DHRS7B: variants seen among roughly 807,000 people sequenced by gnomAD.
DHRS7B encodes dehydrogenase/reductase 7B, also known as peroxisomal reductase activating PPAR-gamma.
DHRS7B carries 24 observed loss-of-function variants against 26.4 expected under a neutral mutation model. The observed-to-expected ratio is 0.91, with a 90% CI of 0.66 to 1.28. The LOEUF (loss-of-function observed/expected upper bound fraction) is 1.28. Among genes scored for constraint, DHRS7B ranks in the 50% most tolerant of loss-of-function variants. DHRS7B has a pLI of 0.00. For synonymous variants in DHRS7B, 142 were observed against 166.4 expected, an observed-to-expected ratio of 0.85 and a Z score of 1.13; for missense variants, 368 against 419.4, an observed-to-expected ratio of 0.88 and a Z score of 1.07.
At chr17:21,188,895 A>C in intron 6 of DHRS7B, 32 bp downstream of exon 6, 1 of 1,613,864 alleles carries the variant, frequency 6.2e-7, no homozygotes, top group Non-Finnish European at 8.5e-7. Flanking sequence ...CTCCTATGAA[A>C]ATCTGTCGGT....
At chr17:21,142,552 G>T (rs1973540971) in intron 1 of DHRS7B, among the ~76,000 whole-genome samples, 1 of 152,176 alleles carries the variant, frequency 6.6e-6, no homozygotes, top group Admixed American at 6.5e-5. Context: ...TGCCCAAGGT[G>T]GTTGGGGAAC....
At chr17:21,140,490 A>ACG (rs1220216402) in intron 1 of DHRS7B, among the ~76,000 whole-genome samples, 2 of 135,980 alleles carry the variant, frequency 1.5e-5, no homozygotes, top group African/African-American at 5.6e-5. Flanking sequence ...ACACACACAC[A>ACG]CACACACACA....
intron 1 of DHRS7B, among the ~76,000 whole-genome samples, chr17:21,139,331 AC>A (rs1340361566): frequency 5.3e-5 from 8 of 152,014 alleles, no homozygotes; most frequent in African/African-American, 9.7e-5. Context: ...ATGTTTTGTA[AC>A]CCCCGTGCCA....
At chr17:21,176,419 G>C (rs189133812) in intron 2 of DHRS7B, among the ~76,000 whole-genome samples, 1 of 152,098 alleles carries the variant, frequency 6.6e-6, no homozygotes, top group East Asian at 2.0e-4. Flanking sequence ...TGGGCAACAT[G>C]GCAAAATCTC....
chr17:21,137,436 G>C (rs1259934835), intron 1 of DHRS7B, among the ~76,000 whole-genome samples: 1 of 150,948 alleles, frequency 6.6e-6, no homozygotes, highest in Non-Finnish European at 1.5e-5. Flanking sequence ...AGCTGGGACA[G>C]GCACCTGCCA....
chr17:21,190,617 C>T (rs529794020), intron 6 of DHRS7B, among the ~76,000 whole-genome samples: 135 of 152,326 alleles, frequency 8.9e-4, no homozygotes, highest in African/African-American at 2.7e-3. Flanking sequence ...GCCCCCACCC[C>T]GGGCTGGCCC....
At chr17:21,155,988 T>C (rs114080617) in intron 1 of DHRS7B, among the ~76,000 whole-genome samples, 2,976 of 152,262 alleles carry the variant, frequency 0.02, 114 homozygotes, top group African/African-American at 0.068. Context: ...TTTATAGCAT[T>C]GAATGTATGT....
At chr17:21,172,439 G>A (rs963355098) in intron 2 of DHRS7B, 2 of 535,540 alleles carry the variant, frequency 3.7e-6, no homozygotes, top group Non-Finnish European at 6.8e-6. Context: ...TGGCCCCGGG[G>A]GTGGGGTGGG....
chr17:21,168,716 T>C, intron 1 of DHRS7B: 1 of 985,432 alleles, frequency 1.0e-6, no homozygotes, highest in Non-Finnish European at 1.2e-6. Flanking sequence ...GATAGCACTT[T>C]ACCAGACTGA....
chr17:21,183,690 G>A lies in DHRS7B; in HGVS notation c.406G>A (p.Val136Ile). 6.2e-7 allele frequency: 1 copy of A among 1,614,190 alleles called. No individual in the cohort carries two copies. The highest frequency in any genetic ancestry group is 1.3e-5 in the African/African-American group (1 of 75,040). ...TGAGATCCTGCAGTGCTTTGGCTAT[G>A]TCGACATACTTGTCAACAATGCTGG... ...AAEILQCFGY[V>I]DILVNNAGIS... Residue 136 changes from valine (V) to isoleucine (I), a missense_variant, in exon 4 of 7, where the codon GTC (valine) becomes ATC (isoleucine). Transcript: ENST00000395511.
Position 21,183,774 on chromosome 17 carries a change from G to T in DHRS7B, c.490G>T (p.Glu164Ter). 17 of 1,614,226 alleles carry T rather than the reference G, an allele frequency of 1.1e-5. No individual in the cohort carries two copies. The highest frequency in any genetic ancestry group is 1.4e-5 in the Non-Finnish European group (17 of 1,180,046). Reference sequence around the variant, plus strand: ...AGTGGATGTGGACAAGAGGGTCATGGAGACAAACTACTTTGGCCCAGTTGC... The same window carrying T: ...AGTGGATGTGGACAAGAGGGTCATGTAGACAAACTACTTTGGCCCAGTTGC... Reference protein sequence around the residue: ...TTVDVDKRVMETNYFGPVALT... With the variant: ...TTVDVDKRVM Residue 164 changes from glutamate (E) to a stop codon, truncating the protein, a stop_gained, in exon 4 of 7, where the codon GAG (glutamate) becomes TAG (stop). Transcript: ENST00000395511. LOFTEE classifies it high-confidence loss of function.
chr17:21,158,264 ACAT>A (rs1377673089), intron 1 of DHRS7B, among the ~76,000 whole-genome samples: 1 of 152,234 alleles, frequency 6.6e-6, no homozygotes, highest in Non-Finnish European at 1.5e-5. Context: ...CTGTTTTTTA[ACAT>A]CATACTGGAA....
intron 1 of DHRS7B, among the ~76,000 whole-genome samples, chr17:21,132,550 C>CA (rs1053748217): frequency 0.018 from 1,747 of 97,992 alleles, 17 homozygotes; most frequent in Middle Eastern, 0.038. Context: ...AAAAAAAAAA[C>CA]AAAAAAAAAA....
intron 3 of DHRS7B, among the ~76,000 whole-genome samples, chr17:21,179,680 T>A (rs1047632290): frequency 2.0e-5 from 3 of 152,158 alleles, no homozygotes; most frequent in African/African-American, 4.8e-5. Flanking sequence ...AGTTTAGGAG[T>A]TCTTTATGTA....
intron 1 of DHRS7B, among the ~76,000 whole-genome samples, chr17:21,140,449 G>GAAAAA (rs1465091087): frequency 6.9e-6 from 1 of 144,120 alleles, no homozygotes; most frequent in African/African-American, 2.6e-5. Context: ...GAAAAAGTTT[G>GAAAAA]GGTTATAGAA....
At chr17:21,190,833 A>C in intron 6 of DHRS7B, 115 bp from the exon 7 acceptor site, 66 of 1,031,668 alleles carry the variant, frequency 6.4e-5, no homozygotes, top group Non-Finnish European at 8.7e-5. Flanking sequence ...GGCCCTGGGA[A>C]GAGCTTCATG....
chr17:21,159,315 T>A lies in DHRS7B; in HGVS notation c.21-12703T>A, dbSNP rs148402555. 9.5e-3 allele frequency among the ~76,000 whole-genome samples: 1,447 copies of A among 151,776 alleles called. 27 individuals are homozygous for A. Among genetic ancestry groups the A allele is most frequent in the African/African-American group, 0.033 (1,381 of 41,380 alleles). ...CAGGCTAGAGTGCAGTGGCGTGATC[T>A]TGGCTCATTGCAACCTCCGCCTCCC... On this transcript the variant is annotated intron_variant, in intron 1 of 6. Transcript: ENST00000395511.
intron 1 of DHRS7B, among the ~76,000 whole-genome samples, chr17:21,151,000 T>A (rs1973757317): frequency 1.3e-5 from 2 of 152,150 alleles, no homozygotes. Flanking sequence ...CTTTGTGAGC[T>A]CCAAGTAGGA....
intron 1 of DHRS7B, among the ~76,000 whole-genome samples, chr17:21,160,656 A>G (rs764768995): frequency 9.2e-5 from 14 of 152,350 alleles, no homozygotes; most frequent in Non-Finnish European, 1.8e-4. Context: ...TTTGGAAGAC[A>G]GTTGGTAGTT....
Sources: allele counts gnomAD v4.1 joint callset (sites outside exome capture counted in the v4.1 genomes callset), GRCh38; gene constraint gnomAD v4.1.1; transcripts MANE v1.5; gene names NCBI Gene and HGNC (gene_info 2026-07-23, HGNC 2026-07-21).